Variants in CFAP47 observed in about 807,000 individuals in gnomAD.
The protein encoded by CFAP47 is cilia and flagella associated protein 47, also known as cilia- and flagella-associated protein 47.
In CFAP47, 29 loss-of-function variants were observed where a neutral mutation model predicts 148.1. That is an observed-to-expected ratio of 0.20 (90% CI 0.15 to 0.27). The LOEUF (loss-of-function observed/expected upper bound fraction) is 0.27. Among genes scored for constraint, CFAP47 ranks in the 10% least tolerant of loss-of-function variants. The pLI is 1.00. For missense variants in CFAP47, 1,872 were observed against 1,697.5 expected (o/e 1.10, Z -1.81); for synonymous variants, 664 against 577.3 (o/e 1.15, Z -2.15).
Position 35,926,182 on chromosome X carries a change from A to G in CFAP47, c.401+14A>G. 8.7e-7 allele frequency: 1 copy of G among 1,155,776 alleles called. No individual in the cohort carries two copies. Among genetic ancestry groups the G allele is most frequent in the Middle Eastern group, 2.4e-4 (1 of 4,162 alleles). ...TCCTCTAATTGGGTATGTAATCTTC[A>G]TAGTTCATGCTGACATTTTGAATAC... On this transcript the variant is annotated intron_variant, in intron 2 of 63. Coordinates refer to ENST00000378653, the MANE Select transcript of CFAP47 (RefSeq NM_001304548.2).
chrX:36,136,638 A>G (rs1939049981), intron 33 of CFAP47, among the ~76,000 whole-genome samples: 1 of 111,001 alleles, frequency 9.0e-6, no homozygotes, highest in South Asian at 3.8e-4. Flanking sequence ...GAAGTGATGA[A>G]TATGTTAATT....
chrX:35,925,048 A>G lies in CFAP47; in HGVS notation c.250-969A>G, dbSNP rs370065523. Among the ~76,000 whole-genome samples the G allele has an allele frequency of 8.1e-5, 9 of 111,585 alleles. 1 individual carries two copies. The East Asian group carries it at 2.3e-3, about 28-fold the overall frequency. On this transcript the variant is annotated intron_variant, in intron 1 of 63. Transcript: ENST00000378653. Reference sequence around the variant, plus strand: ...CAGGAAGAATGAGTTCCGGTGATCTATTGTACAGCAAGGTGACTATAGTTA... The same window carrying G: ...CAGGAAGAATGAGTTCCGGTGATCTGTTGTACAGCAAGGTGACTATAGTTA...
chrX:36,161,987 G>A (rs187519906), intron 39 of CFAP47, among the ~76,000 whole-genome samples: 93 of 112,210 alleles, frequency 8.3e-4, no homozygotes, highest in African/African-American at 2.7e-3. Context: ...ATTAAAGTAT[G>A]CCCTTAAGTA....
intron 57 of CFAP47, among the ~76,000 whole-genome samples, chrX:36,338,456 T>C (rs782710495): frequency 5.8e-4 from 65 of 111,756 alleles, no homozygotes; most frequent in Non-Finnish European, 9.6e-4. Context: ...ACTAATAACC[T>C]AACATTGCCA....
chrX:36,160,831 TA>T (rs1421868780), intron 39 of CFAP47, 62 bp downstream of exon 39: 1 of 269,787 alleles, frequency 3.7e-6, no homozygotes, highest in Non-Finnish European at 6.4e-6. Context: ...TGAAGAGACA[TA>T]TGTGATTTTC....
At chrX:35,969,576 G>A (rs954025316) in intron 10 of CFAP47, among the ~76,000 whole-genome samples, 1 of 111,955 alleles carries the variant, frequency 8.9e-6, no homozygotes, top group Non-Finnish European at 1.9e-5. Flanking sequence ...ATTTAGATAT[G>A]TTAATAGTCA....
intron 49 of CFAP47, among the ~76,000 whole-genome samples, chrX:36,269,650 T>G (rs1208600804): frequency 1.8e-5 from 2 of 112,271 alleles, no homozygotes; most frequent in African/African-American, 6.5e-5. Context: ...TTTTAACAGT[T>G]TTATTCCTGT....
chrX:35,942,663 G>C (rs941582422), intron 3 of CFAP47, among the ~76,000 whole-genome samples: 4 of 110,926 alleles, frequency 3.6e-5, no homozygotes, highest in African/African-American at 9.8e-5. Flanking sequence ...TCAATGTTTT[G>C]ATAGCAATAA....
intron 39 of CFAP47, among the ~76,000 whole-genome samples, chrX:36,174,881 T>C (rs1416718617): frequency 8.0e-4 from 63 of 78,698 alleles, no homozygotes; most frequent in African/African-American, 2.0e-3. Flanking sequence ...TCCTGGATAA[T>C]ATCCTGCAGA....
chrX:36,123,958 C>A (rs1248264613), intron 33 of CFAP47, among the ~76,000 whole-genome samples: 1 of 111,570 alleles, frequency 9.0e-6, no homozygotes, highest in Non-Finnish European at 1.9e-5. Context: ...ACCTGGGTAT[C>A]ACTGCTGGTT....
intron 39 of CFAP47, among the ~76,000 whole-genome samples, chrX:36,167,142 A>G (rs1481204363): frequency 1.8e-5 from 2 of 111,809 alleles, no homozygotes; most frequent in Non-Finnish European, 3.8e-5. Flanking sequence ...TTTAGCTTGC[A>G]TCTTTGTTGA....
intron 1 of CFAP47, among the ~76,000 whole-genome samples, chrX:35,922,031 T>G (rs1935585908): frequency 9.0e-6 from 1 of 111,499 alleles, no homozygotes; most frequent in African/African-American, 3.3e-5. Flanking sequence ...TTACTGATTT[T>G]CAATAACATC....
chrX:36,237,963 C>T (rs369278542), intron 48 of CFAP47, among the ~76,000 whole-genome samples: 3 of 111,330 alleles, frequency 2.7e-5, no homozygotes, highest in South Asian at 3.7e-4. Context: ...TTCTCATGTC[C>T]GAGTAAAATT....
chrX:35,925,204 C>G (rs1030489832), intron 1 of CFAP47, among the ~76,000 whole-genome samples: 4 of 110,546 alleles, frequency 3.6e-5, no homozygotes. Flanking sequence ...AACCCCATCT[C>G]TACTAAAAAA....
Position 35,923,911 on chromosome X carries a change from GTA to G in CFAP47, c.250-2100_250-2099del, listed in dbSNP as rs746259921. 3.3e-4 allele frequency among the ~76,000 whole-genome samples: 27 copies of G among 82,727 alleles called. No homozygotes were observed. The South Asian group carries it at 5.1e-3, about 16-fold the overall frequency. The allele number at this position is 82,727 out of a possible 115,157, so 71.8% of individuals were successfully genotyped here. On this transcript the variant is annotated intron_variant, in intron 1 of 63. Coordinates refer to ENST00000378653, the MANE Select transcript of CFAP47 (RefSeq NM_001304548.2). ...TATATATGTGTATATATGTACATGT[GTA>G]TATATGTACATATATATGTGTATAT...
chrX:35,974,017 T>C (rs1936532938), intron 13 of CFAP47, among the ~76,000 whole-genome samples: 1 of 112,262 alleles, frequency 8.9e-6, no homozygotes, highest in Admixed American at 9.4e-5. Context: ...ACTGAGCCCC[T>C]GCTCTCATAG....
intron 39 of CFAP47, among the ~76,000 whole-genome samples, chrX:36,176,690 G>A (rs1939685987): frequency 1.8e-5 from 2 of 112,177 alleles, no homozygotes; most frequent in Admixed American, 9.4e-5. Flanking sequence ...GGGATCATGA[G>A]GTCAGGAGTT....
intron 29 of CFAP47, among the ~76,000 whole-genome samples, chrX:36,082,164 G>T (rs1421082707): frequency 9.0e-6 from 1 of 111,483 alleles, no homozygotes; most frequent in African/African-American, 3.3e-5. Context: ...AAGTGTGCAA[G>T]GGTTCCCTTT....
chrX:35,924,026 T>C (rs946124997), intron 1 of CFAP47, among the ~76,000 whole-genome samples: 1 of 98,056 alleles, frequency 1.0e-5, no homozygotes, highest in Non-Finnish European at 2.0e-5. Flanking sequence ...TATGCACATA[T>C]ATATGCACAT....
Sources: gnomAD v4.1 joint callset for allele counts (sites outside exome capture counted in the v4.1 genomes callset) on GRCh38, gnomAD v4.1.1 for gene constraint, MANE v1.5 for transcripts, NCBI Gene and HGNC (gene_info 2026-07-23, HGNC 2026-07-21) for gene names.